The following THSD7B variants were observed in gnomAD, a reference collection of about 807,000 sequenced individuals.
The protein encoded by THSD7B is thrombospondin type 1 domain containing 7B.
Under a neutral mutation model 213.6 loss-of-function variants are expected in THSD7B, and 138 were observed. The observed-to-expected ratio is 0.65, with a 90% confidence interval of 0.56 to 0.74. THSD7B has a LOEUF of 0.74. Ranked by LOEUF, THSD7B falls within the 30% of genes least tolerant of loss-of-function variation. The pLI, the probability that THSD7B is intolerant of heterozygous loss-of-function variation, is 0.00. For synonymous variants in THSD7B, 742 were observed against 687.0 expected (o/e 1.08, Z -1.25); for missense variants, 1,931 against 1,991.5 (o/e 0.97, Z 0.58).
chr2:137,278,867 C>A (rs1032825607), intron 12 of THSD7B, among the ~76,000 whole-genome samples: 6 of 152,026 alleles, frequency 3.9e-5, no homozygotes, highest in African/African-American at 1.4e-4. Context: ...TCAGGAAATA[C>A]AAAGTGTTGT....
intron 3 of THSD7B, among the ~76,000 whole-genome samples, chr2:137,077,859 G>A (rs1487434912): frequency 6.6e-6 from 1 of 152,056 alleles, no homozygotes; most frequent in Non-Finnish European, 1.5e-5. Flanking sequence ...GTTGGCTTTT[G>A]TTGCCATTGC....
At chr2:137,316,200 G>C (rs16838737) in intron 12 of THSD7B, among the ~76,000 whole-genome samples, 1 of 152,024 alleles carries the variant, frequency 6.6e-6, no homozygotes, top group African/African-American at 2.4e-5. Flanking sequence ...CTGCATGTGT[G>C]GGCGAAAAAA....
chr2:136,970,653 A>G (rs1052260970), intron 2 of THSD7B, among the ~76,000 whole-genome samples: 34 of 152,200 alleles, frequency 2.2e-4, no homozygotes, highest in Non-Finnish European at 4.1e-4. Context: ...AAATATTCTC[A>G]GAATTGCCAC....
At chr2:137,370,947 T>A (rs536117803) in intron 12 of THSD7B, among the ~76,000 whole-genome samples, 1 of 152,170 alleles carries the variant, frequency 6.6e-6, no homozygotes, top group Non-Finnish European at 1.5e-5. Flanking sequence ...GATAATCTTT[T>A]TTTTTCATGC....
At chr2:137,030,890 TA>T (rs1686652970) in intron 2 of THSD7B, among the ~76,000 whole-genome samples, 1 of 152,122 alleles carries the variant, frequency 6.6e-6, no homozygotes, top group South Asian at 2.1e-4. Context: ...ATCCATGTAA[TA>T]AAAAATCACT....
intron 12 of THSD7B, among the ~76,000 whole-genome samples, chr2:137,337,564 A>G (rs1449456973): frequency 1.3e-5 from 2 of 152,192 alleles, no homozygotes; most frequent in East Asian, 1.9e-4. Context: ...ATTAATACAT[A>G]TTATGTGTGA....
chr2:137,027,832 T>C (rs1005726465), intron 2 of THSD7B, among the ~76,000 whole-genome samples: 1 of 152,184 alleles, frequency 6.6e-6, no homozygotes, highest in African/African-American at 2.4e-5. Flanking sequence ...CTGGGATTTA[T>C]AGCCCTGACT....
At chr2:137,119,499 G>T (rs1427154255) in intron 5 of THSD7B, among the ~76,000 whole-genome samples, 1 of 152,166 alleles carries the variant, frequency 6.6e-6, no homozygotes, top group African/African-American at 2.4e-5. Flanking sequence ...TTTAAAAGGA[G>T]CTTGGAGAGT....
chr2:137,528,319 A>G (rs1277413321), intron 15 of THSD7B, among the ~76,000 whole-genome samples: 1 of 152,090 alleles, frequency 6.6e-6, no homozygotes, highest in Non-Finnish European at 1.5e-5. Flanking sequence ...TCATGCATGC[A>G]TTGGATAACT....
chr2:137,155,169 A>G (rs554445798), intron 5 of THSD7B, among the ~76,000 whole-genome samples: 14 of 152,204 alleles, frequency 9.2e-5, no homozygotes, highest in Non-Finnish European at 2.1e-4. Context: ...TCTGAGTTAT[A>G]TGTTATTTTG....
intron 27 of THSD7B, among the ~76,000 whole-genome samples, chr2:137,670,875 T>C (rs546589506): frequency 2.1e-3 from 281 of 136,438 alleles, no homozygotes; most frequent in Non-Finnish European, 3.5e-3. Flanking sequence ...GAGCCAAGAT[T>C]GCGCCACTGC....
intron 7 of THSD7B, among the ~76,000 whole-genome samples, chr2:137,176,279 A>G (rs1260605081): frequency 6.6e-6 from 1 of 152,200 alleles, no homozygotes; most frequent in African/African-American, 2.4e-5. Context: ...AGAAATGGCA[A>G]CTTGGTTAAA....
At chr2:137,661,205 C>G (rs1352209597) in intron 25 of THSD7B, among the ~76,000 whole-genome samples, 1 of 152,078 alleles carries the variant, frequency 6.6e-6, no homozygotes, top group East Asian at 1.9e-4. Context: ...AAGTTCACTT[C>G]CAGAGACAGA....
chr2:137,400,168 T>C (rs901516697), intron 12 of THSD7B, among the ~76,000 whole-genome samples: 2 of 152,232 alleles, frequency 1.3e-5, no homozygotes, highest in Admixed American at 6.5e-5. Context: ...TTCTTTTGCA[T>C]CTCTTGCATT....
rs376167350 is a variant in THSD7B, at chr2:137,670,697, G to A, written c.4739+2836G>A. Among the ~76,000 whole-genome samples, 19 of 152,116 alleles carry A rather than the reference G, an allele frequency of 1.2e-4. No individual in the cohort carries two copies. The East Asian group carries it at 1.4e-3, about 11-fold the overall frequency. On this transcript the variant is annotated intron_variant, in intron 27 of 27. Transcript: ENST00000409968. ...AGCACTTTGGGAGGCCAAGGCGGGC[G>A]GATCACGAGGTCAGGAGATCGAGAC... is the stretch of plus-strand genomic sequence containing the variant.
intron 12 of THSD7B, among the ~76,000 whole-genome samples, chr2:137,378,172 G>C (rs918636819): frequency 6.6e-6 from 1 of 152,164 alleles, no homozygotes; most frequent in Non-Finnish European, 1.5e-5. Flanking sequence ...TGCGATGAAA[G>C]CTCCTTCATA....
intron 12 of THSD7B, among the ~76,000 whole-genome samples, chr2:137,353,040 A>G (rs1480361883): frequency 5.3e-5 from 8 of 152,116 alleles, no homozygotes; most frequent in African/African-American, 1.9e-4. Flanking sequence ...AGAGTTAGCC[A>G]TAAAGGAGAC....
intron 15 of THSD7B, among the ~76,000 whole-genome samples, chr2:137,476,283 G>T (rs566548662): frequency 5.8e-4 from 89 of 152,158 alleles, no homozygotes; most frequent in African/African-American, 1.7e-3. Context: ...TCTTCACTCT[G>T]TTGATTGTTA....
At chr2:136,976,725 C>T (rs1219216701) in intron 2 of THSD7B, among the ~76,000 whole-genome samples, 4 of 151,942 alleles carry the variant, frequency 2.6e-5, no homozygotes, top group Non-Finnish European at 5.9e-5. Context: ...AGGTTCACGC[C>T]ATTCTCCTGC....
Sources: allele counts gnomAD v4.1 joint callset (sites outside exome capture counted in the v4.1 genomes callset), GRCh38; gene constraint gnomAD v4.1.1; transcripts MANE v1.5; gene names NCBI Gene and HGNC (gene_info 2026-07-23, HGNC 2026-07-21).